Variants in PPP2R1B observed in about 807,000 individuals in gnomAD.
The protein encoded by PPP2R1B is protein phosphatase 2 scaffold subunit Abeta.
A neutral mutation model predicts 72.7 loss-of-function variants in PPP2R1B; 58 were observed. That is an observed-to-expected ratio of 0.80 (90% CI 0.65 to 0.99). The LOEUF is 0.99. Ranked by LOEUF, PPP2R1B falls within the 50% of genes least tolerant of loss-of-function variation. The probability of loss-of-function intolerance (pLI) is 0.00; values close to 1 mark genes in which losing one functional copy is unlikely to be tolerated. For synonymous variants in PPP2R1B, 256 were observed against 264.6 expected, an observed-to-expected ratio of 0.97 and a Z score of 0.32; for missense variants, 695 against 733.6, an observed-to-expected ratio of 0.95 and a Z score of 0.61.
At chr11:111,723,603 C>G, downstream of PPP2R1B, 1 of 1,614,192 alleles carries the variant, frequency 6.2e-7, no homozygotes, top group Non-Finnish European at 8.5e-7. Context: ...CAGCAGCTGC[C>G]CCTTCCCCGC....
At chr11:111,724,350 T>A, downstream of PPP2R1B, 1 of 611,866 alleles carries the variant, frequency 1.6e-6, no homozygotes. Context: ...AACATAGTTG[T>A]AGGCTGAGGC....
At chr11:111,690,091 T>C in the PPP2R1B span, among the ~76,000 whole-genome samples, 4,793 of 152,202 alleles carry the variant, frequency 0.031, 242 homozygotes, top group African/African-American at 0.11. Flanking sequence ...ACTTTCATAG[T>C]TTATGTCTGT....
chr11:111,737,577 C>T (rs111491012), downstream of PPP2R1B: 4 of 1,614,220 alleles, frequency 2.5e-6, no homozygotes, highest in African/African-American at 4.0e-5. Flanking sequence ...CCACTAGAGA[C>T]ACAGACAGTG....
rs534023508 is a variant in PPP2R1B at position 111,731,386 on chromosome 11, TCA to T, written c.1912-4331_1912-4330del. On this transcript the variant is annotated intron_variant, in intron 15 of 15. Transcript: ENST00000311129. Reference sequence around the variant, plus strand: ...AAAGGCCTCGACACTGCACGTGCGCTCACACAGTGCATTCCCTCACATGGGCG... The same window carrying T: ...AAAGGCCTCGACACTGCACGTGCGCTCACAGTGCATTCCCTCACATGGGCG... 1.9e-3 allele frequency among the ~76,000 whole-genome samples: 292 copies of T among 152,296 alleles called. 3 individuals carry two copies. The highest frequency in any genetic ancestry group is 6.7e-3 in the African/African-American group (277 of 41,562).
At chr11:111,708,749 A>G in the PPP2R1B span, among the ~76,000 whole-genome samples, 4 of 151,988 alleles carry the variant, frequency 2.6e-5, no homozygotes, top group East Asian at 7.7e-4. Context: ...ACGCCCAGCT[A>G]ATTATTTTTT....
Position 111,740,208 on chromosome 11 carries a change from A to G in PPP2R1B, c.*1388T>C. ...AAAGTCATGAGACAAGGTGAGTTTGATTATGTGAAAAATAGTTGTTTTTTT... is the reference window on the plus strand; with the variant it reads ...AAAGTCATGAGACAAGGTGAGTTTGGTTATGTGAAAAATAGTTGTTTTTTT... On this transcript the variant is annotated 3_prime_UTR_variant, in exon 15 of 15. Transcript: ENST00000527614. 1 of 985,270 alleles carries G rather than the reference A, an allele frequency of 1.0e-6. No individual in the cohort carries two copies. Among genetic ancestry groups the G allele is most frequent in the Non-Finnish European group, 1.2e-6 (1 of 829,786 alleles). 61.0% of individuals were successfully genotyped at this position (985,270 alleles called of 1,614,324 possible). A position where few individuals can be genotyped will look rare whatever the true frequency, so the allele number is the denominator to read the frequency against.
chr11:111,739,491 C>A lies in PPP2R1B; in HGVS notation c.*2105G>T. The A allele has an allele frequency of 5.1e-6, 5 of 985,418 alleles. No individual in the cohort carries two copies. The highest frequency in any genetic ancestry group is 6.0e-6 in the Non-Finnish European group (5 of 829,952). The allele number at this position is 985,418 out of a possible 1,614,324, so 61.0% of individuals were successfully genotyped here. A position where few individuals can be genotyped will look rare whatever the true frequency, so the allele number is the denominator to read the frequency against. ...CAATGAAACCCCTGAGGGGTCACCA[C>A]AAAAGACAGAGGCCCCGCTGAACCC... On this transcript the variant is annotated 3_prime_UTR_variant, in exon 15 of 15. Coordinates refer to ENST00000527614, the MANE Select transcript of PPP2R1B (RefSeq NM_002716.5).
chr11:111,761,168 G>A, intron 3 of PPP2R1B, 117 bp from the exon 4 acceptor site: 1 of 881,694 alleles, frequency 1.1e-6, no homozygotes, highest in Non-Finnish European at 1.8e-6. Flanking sequence ...AATGTTAGCT[G>A]CATCATACCA....
intron 5 of PPP2R1B, among the ~76,000 whole-genome samples, chr11:111,758,351 G>A (rs1485304623): frequency 6.6e-6 from 1 of 152,168 alleles, no homozygotes; most frequent in Non-Finnish European, 1.5e-5. Context: ...CAGCACTTTG[G>A]GAGGCCAAGG....
chr11:111,717,039 G>A, the PPP2R1B span, among the ~76,000 whole-genome samples: 2 of 152,190 alleles, frequency 1.3e-5, no homozygotes, highest in Non-Finnish European at 2.9e-5. Context: ...CAGCGGCCGG[G>A]TGTGGTGGCT....
At chr11:111,713,898 T>C in the PPP2R1B span, among the ~76,000 whole-genome samples, 2 of 151,716 alleles carry the variant, frequency 1.3e-5, no homozygotes, top group African/African-American at 4.8e-5. Context: ...ACCCAGGAAG[T>C]GGAGGTTGCA....
Position 111,740,866 on chromosome 11 carries a change from G to GA in PPP2R1B, c.*729dup, listed in dbSNP as rs1423675824. The GA allele has an allele frequency of 1.0e-6, 1 of 985,324 alleles. No homozygotes were observed. The highest frequency in any genetic ancestry group is 1.1e-4 in the East Asian group (1 of 8,832). 61.0% of individuals were successfully genotyped at this position (985,324 alleles called of 1,614,324 possible). On this transcript the variant is annotated 3_prime_UTR_variant, in exon 15 of 15. Transcript: ENST00000527614. ...GAGGCACTACAGTTAAAGCTTTTTA[G>GA]AAAAGAGAGAGAAGTATTTTTAAAT... is the stretch of plus-strand genomic sequence containing the variant.
downstream of PPP2R1B, chr11:111,721,996 C>A: frequency 7.3e-7 from 1 of 1,376,960 alleles, no homozygotes; most frequent in Non-Finnish European, 9.8e-7. Flanking sequence ...ATCTGTTCTT[C>A]TGCAAAGCAG....
chr11:111,755,642 T>G (rs1054653781), intron 5 of PPP2R1B, among the ~76,000 whole-genome samples, 192 bp from the exon 6 acceptor site: 2 of 149,340 alleles, frequency 1.3e-5, no homozygotes, highest in Non-Finnish European at 3.0e-5. Context: ...CAGATTGGAG[T>G]GCAGTGGCAC....
chr11:111,765,958 G>A (rs1555052946), intron 1 of PPP2R1B: 2 of 555,802 alleles, frequency 3.6e-6, no homozygotes, highest in East Asian at 4.0e-5. Flanking sequence ...CTCACGGCCC[G>A]GATGGGGCGC....
At chr11:111,715,695 G>C in the PPP2R1B span, among the ~76,000 whole-genome samples, 1,007 of 151,444 alleles carry the variant, frequency 6.6e-3, 8 homozygotes, top group Middle Eastern at 0.061. Context: ...TGGGAGGGCA[G>C]ATGCATAAAC....
chr11:111,721,943 G>T (rs753153064), downstream of PPP2R1B: 25 of 1,587,736 alleles, frequency 1.6e-5, no homozygotes, highest in South Asian at 2.7e-4. Context: ...GACTCCAGGT[G>T]GGTCCTTCTC....
At chr11:111,743,164 G>A (rs1325180014) in intron 12 of PPP2R1B, among the ~76,000 whole-genome samples, 1 of 152,144 alleles carries the variant, frequency 6.6e-6, no homozygotes, top group Non-Finnish European at 1.5e-5. Flanking sequence ...AAAGTGCTGG[G>A]ATTACAGGCA....
the PPP2R1B span, among the ~76,000 whole-genome samples, chr11:111,709,675 T>C: frequency 6.6e-6 from 1 of 152,264 alleles, no homozygotes; most frequent in Non-Finnish European, 1.5e-5. Flanking sequence ...GCATGCTGTC[T>C]GTATATTTAT....
Sources: gnomAD v4.1 joint callset for allele counts (sites outside exome capture counted in the v4.1 genomes callset) on GRCh38, gnomAD v4.1.1 for gene constraint, MANE v1.5 for transcripts, NCBI Gene and HGNC (gene_info 2026-07-23, HGNC 2026-07-21) for gene names.